ZNF91: variants seen among roughly 807,000 people sequenced by gnomAD.
ZNF91 encodes the protein zinc finger protein 91, also known as zinc finger protein 91 (HPF7, HTF10).
ZNF91 carries 7 observed loss-of-function variants against 12.6 expected under a neutral mutation model. The observed-to-expected ratio is 0.55, with a 90% confidence interval of 0.31 to 1.04. ZNF91 has a LOEUF of 1.04. Ranked by LOEUF, ZNF91 falls within the 50% of genes least tolerant of loss-of-function variation. The pLI is 0.05. For synonymous variants in ZNF91, 453 were observed against 462.6 expected (o/e 0.98, Z 0.27); for missense variants, 1,217 against 1,385.4 (o/e 0.88, Z 1.93).
intron 3 of ZNF91, among the ~76,000 whole-genome samples, chr19:23,350,391 T>C (rs950381616): frequency 2.6e-5 from 4 of 152,264 alleles, no homozygotes; most frequent in South Asian, 2.1e-4. Flanking sequence ...ATCCCACTAA[T>C]AATAAAAGCC....
At position 23,384,937 on chromosome 19, in the gene ZNF91, C is replaced by T. The variant is rs968401189; in HGVS notation, c.31-10173G>A. ...TAATTCCAAACAGGAGTCCTTTCGG[C>T]CAGCAAAGTTGCCAAGGCTTAGCTG... On this transcript the variant is annotated intron_variant, in intron 1 of 3. Coordinates refer to ENST00000300619, the MANE Select transcript of ZNF91 (RefSeq NM_003430.4). 9.8e-6 allele frequency: 8 copies of T among 818,794 alleles called. No homozygotes were observed. In the African/African-American group the frequency reaches 1.3e-4, roughly 14 times the overall value. 50.7% of individuals were successfully genotyped at this position (818,794 alleles called of 1,614,324 possible).
intron 3 of ZNF91, among the ~76,000 whole-genome samples, chr19:23,368,149 C>T (rs1468073740): frequency 6.6e-6 from 1 of 151,964 alleles, no homozygotes; most frequent in Non-Finnish European, 1.5e-5. Context: ...ACCTCGTGAT[C>T]CACCCACCTC....
intron 1 of ZNF91, among the ~76,000 whole-genome samples, chr19:23,333,245 C>T (rs1242049146): frequency 3.3e-5 from 5 of 152,170 alleles, no homozygotes; most frequent in African/African-American, 9.7e-5. Flanking sequence ...GTAGGCCCAA[C>T]GCCTTGAGAA....
At chr19:23,384,859 A>G (rs2145127196) in intron 1 of ZNF91, 2 of 740,444 alleles carry the variant, frequency 2.7e-6, no homozygotes, top group East Asian at 5.0e-5. Context: ...CTCCCTCACG[A>G]TCACTGGAGG....
chr19:23,335,316 ACT>A (rs1754699661), downstream of ZNF91, among the ~76,000 whole-genome samples: 1 of 152,084 alleles, frequency 6.6e-6, no homozygotes, highest in Non-Finnish European at 1.5e-5. Context: ...CAGATCTCAA[ACT>A]CTGTGCTGGG....
upstream of ZNF91, among the ~76,000 whole-genome samples, chr19:23,311,305 G>A (rs1967467197): frequency 6.6e-6 from 1 of 152,178 alleles, no homozygotes; most frequent in African/African-American, 2.4e-5. Context: ...TCTCCTGCCT[G>A]GGCCCTGCAC....
chr19:23,330,556 A>G (rs1245015831), intron 1 of ZNF91, among the ~76,000 whole-genome samples: 1 of 152,038 alleles, frequency 6.6e-6, no homozygotes, highest in East Asian at 1.9e-4. Flanking sequence ...TGATTTTCCC[A>G]TTTTGGGGAG....
chr19:23,311,858 C>T (rs1167748769), upstream of ZNF91, among the ~76,000 whole-genome samples: 1 of 147,310 alleles, frequency 6.8e-6, no homozygotes, highest in Non-Finnish European at 1.5e-5. Context: ...GTCTTTTGTT[C>T]ATCACTAGGT....
At chr19:23,376,762 T>G (rs76113484) in intron 1 of ZNF91, among the ~76,000 whole-genome samples, 1 of 152,096 alleles carries the variant, frequency 6.6e-6, no homozygotes, top group Non-Finnish European at 1.5e-5. Flanking sequence ...AAGTAAAAAT[T>G]TGCAAGTACT....
rs151176654 is a variant in ZNF91 at position 23,395,217 on chromosome 19, G to A, written c.30+108C>T. 436 of 1,387,346 alleles carry A rather than the reference G, an allele frequency of 3.1e-4. 4 individuals are homozygous for A. The East Asian group carries it at 9.2e-3, about 29-fold the overall frequency. The allele number at this position is 1,387,346 out of a possible 1,614,324, so 85.9% of individuals were successfully genotyped here. ...AGCTGGGCAAGGAGAACCCGGGCAC[G>A]GATTGTGGAGCTGACTGAAGGAAGG... On this transcript the variant is annotated intron_variant, in intron 1 of 3. Transcript: ENST00000300619.
At position 23,364,597 on chromosome 19, in the gene ZNF91, A is replaced by T. The variant is rs190669163; in HGVS notation, c.254-1872T>A. The stretch of plus-strand genomic sequence containing the variant: ...TGGTAAATTTTGTTTTTTTTTTGAC[A>T]AGTAAAAATAATAATAACTAAAAGT... On this transcript the variant is annotated intron_variant, in intron 3 of 3. Coordinates refer to ENST00000300619, the MANE Select transcript of ZNF91 (RefSeq NM_003430.4). 4.0e-3 allele frequency among the ~76,000 whole-genome samples: 614 copies of T among 152,080 alleles called. 8 individuals carry two copies. Among genetic ancestry groups the T allele is most frequent in the African/African-American group, 0.014 (591 of 41,516 alleles).
At chr19:23,373,597 T>A in intron 3 of ZNF91, 145 bp downstream of exon 3, 1 of 532,034 alleles carries the variant, frequency 1.9e-6, no homozygotes, top group Non-Finnish European at 3.4e-6. Flanking sequence ...TTAACAGAAG[T>A]GATAGCATAA....
intron 3 of ZNF91, among the ~76,000 whole-genome samples, chr19:23,340,877 A>G (rs546420944): frequency 6.6e-6 from 1 of 151,798 alleles, no homozygotes; most frequent in Admixed American, 6.6e-5. Context: ...CCAACATGGA[A>G]CTAATATTCA....
Position 23,388,988 on chromosome 19 carries a change from C to T in ZNF91, c.30+6337G>A, listed in dbSNP as rs560144615. 8.5e-5 allele frequency among the ~76,000 whole-genome samples: 13 copies of T among 152,140 alleles called. 1 individual carries two copies. In the South Asian group the frequency reaches 2.1e-3, roughly 24 times the overall value. ...CACAGAGGGGAACAACAGACACTGA[C>T]GCCTAGTTGAGGGTGGAGGGTGGCA... On this transcript the variant is annotated intron_variant, in intron 1 of 3. Coordinates refer to ENST00000300619, the MANE Select transcript of ZNF91 (RefSeq NM_003430.4).
chr19:23,384,444 G>A (rs1180783937), intron 1 of ZNF91: 8 of 358,832 alleles, frequency 2.2e-5, no homozygotes, highest in Admixed American at 7.5e-5. Context: ...AGTTCCTAAC[G>A]AAAAAGATTC....
Position 23,361,257 on chromosome 19 carries a change from G to GT in ZNF91, c.1721dup (p.Tyr574Ter). 1 of 1,613,560 alleles carries GT rather than the reference G, an allele frequency of 6.2e-7. No homozygotes were observed. Among genetic ancestry groups the GT allele is most frequent in the Non-Finnish European group, 8.5e-7 (1 of 1,179,798 alleles). Residue 574 changes from tyrosine (Y) to a stop codon, truncating the protein, a stop_gained and frameshift_variant, in exon 4 of 4, where the codon TAC becomes TAAC. Transcript: ENST00000300619. LOFTEE classifies it low-confidence loss of function (END_TRUNC). ...AAGCTTTGCCACATTCTTCACATTT[G>GT]TAGAGTTTCTTTCCAGCATGAATTA... ...HKIIHAGKKL[Y>*]KCEECGKAFN...
At chr19:23,336,636 T>C (rs920635881), downstream of ZNF91, among the ~76,000 whole-genome samples, 3 of 152,364 alleles carry the variant, frequency 2.0e-5, no homozygotes, top group Admixed American at 2.0e-4. Flanking sequence ...AGCTCGCTTA[T>C]CTATGTCTGC....
intron 1 of ZNF91, among the ~76,000 whole-genome samples, chr19:23,329,937 T>C (rs1170298460): frequency 6.6e-6 from 1 of 152,174 alleles, no homozygotes; most frequent in Non-Finnish European, 1.5e-5. Context: ...TACCTTAAGA[T>C]TTCTGCTCCT....
intron 3 of ZNF91, among the ~76,000 whole-genome samples, chr19:23,346,579 A>G (rs1171309078): frequency 6.6e-6 from 1 of 152,168 alleles, no homozygotes; most frequent in East Asian, 1.9e-4. Flanking sequence ...AGACCCAGCT[A>G]TCCCAGAAGG....
Sources: gnomAD v4.1 joint callset for allele counts (sites outside exome capture counted in the v4.1 genomes callset) on GRCh38, gnomAD v4.1.1 for gene constraint, MANE v1.5 for transcripts, NCBI Gene and HGNC (gene_info 2026-07-23, HGNC 2026-07-21) for gene names.